Variants in DDX42 observed in about 807,000 individuals in gnomAD.
The protein encoded by DDX42 is DEAD-box helicase 42.
A neutral mutation model predicts 101.5 loss-of-function variants in DDX42; 22 were observed. That is an observed-to-expected ratio of 0.22 (90% CI 0.15 to 0.31). The LOEUF is 0.31. Ranked by LOEUF, DDX42 falls within the 10% of genes least tolerant of loss-of-function variation. The probability of loss-of-function intolerance (pLI) is 1.00; values close to 1 mark genes in which losing one functional copy is unlikely to be tolerated. For missense variants in DDX42, 849 were observed against 1,199.9 expected, an observed-to-expected ratio of 0.71 and a Z score of 4.32; for synonymous variants, 402 against 401.2, an observed-to-expected ratio of 1.00 and a Z score of -0.02.
intron 9 of DDX42, among the ~76,000 whole-genome samples, chr17:63,808,129 A>T (rs1387722144): frequency 6.6e-6 from 1 of 152,210 alleles, no homozygotes; most frequent in African/African-American, 2.4e-5. Flanking sequence ...TATTTTCTAT[A>T]TAACCAAATA....
intron 1 of DDX42, among the ~76,000 whole-genome samples, chr17:63,784,649 T>A (rs1432778387): frequency 6.6e-6 from 1 of 152,126 alleles, no homozygotes; most frequent in Non-Finnish European, 1.5e-5. Context: ...TGGCTCATGT[T>A]TGTAGTTCCA....
chr17:63,817,565 A>G, intron 17 of DDX42, 129 bp from the exon 18 acceptor site: 5 of 867,874 alleles, frequency 5.8e-6, no homozygotes, highest in Non-Finnish European at 8.8e-6. Context: ...CTGTGGGGCC[A>G]TCAGGACACT....
intron 1 of DDX42, among the ~76,000 whole-genome samples, chr17:63,778,062 C>G (rs1374266144): frequency 2.0e-5 from 3 of 152,130 alleles, no homozygotes; most frequent in South Asian, 4.1e-4. Context: ...AATGTGTGTT[C>G]TGGAAGAACC....
At chr17:63,773,808 C>T (rs1312063153), upstream of DDX42, 1 of 152,692 alleles carries the variant, frequency 6.5e-6, no homozygotes, top group Non-Finnish European at 1.5e-5. Flanking sequence ...TCACACGGAA[C>T]CGGTGCTCCG....
chr17:63,794,077 A>T (rs753777219), intron 3 of DDX42, among the ~76,000 whole-genome samples: 5 of 152,088 alleles, frequency 3.3e-5, no homozygotes, highest in Non-Finnish European at 5.9e-5. Context: ...TCTTTATAAT[A>T]GCCCTTGCAT....
chr17:63,805,331 CTTAATTT>C, intron 7 of DDX42, 156 bp downstream of exon 7: 1 of 891,640 alleles, frequency 1.1e-6, no homozygotes, highest in East Asian at 3.0e-5. Flanking sequence ...GTTCATGTCT[CTTAATTT>C]GATTGTTTTA....
rs1017214875 is a variant in DDX42 at position 63,817,040 on chromosome 17, C to T, written c.2112+74C>T. 9 of 1,279,048 alleles carry T rather than the reference C, an allele frequency of 7.0e-6. No individual in the cohort carries two copies. The African/African-American group carries it at 1.4e-4, about 19-fold the overall frequency. 79.2% of individuals were successfully genotyped at this position (1,279,048 alleles called of 1,614,324 possible). A position where few individuals can be genotyped will look rare whatever the true frequency, so the allele number is the denominator to read the frequency against. ...GCAGTGACAGAGGGGCTTAGTTTTC[C>T]TGGTTGTAGCTGGGCGCCTAGGCTT... On this transcript the variant is annotated intron_variant, in intron 17 of 17. Coordinates refer to ENST00000389924, the MANE Select transcript of DDX42 (RefSeq NM_203499.3).
intron 6 of DDX42, 26 bp downstream of exon 6, chr17:63,800,643 C>T: frequency 4.4e-6 from 7 of 1,609,110 alleles, no homozygotes; most frequent in Middle Eastern, 1.7e-4. Flanking sequence ...CTGAATTTTA[C>T]TCTTGTTTCA....
rs148727112 is a variant in DDX42, at chr17:63,786,701, G to A, written c.-16-333G>A. On this transcript the variant is annotated intron_variant, in intron 1 of 17. Coordinates refer to ENST00000389924, the MANE Select transcript of DDX42 (RefSeq NM_203499.3). ...TATACTTCTTTTTTGTTTTTGAGACGGAGTCTCGCTGTGTCGCCCAGGCTG... is the reference window on the plus strand; with the variant it reads ...TATACTTCTTTTTTGTTTTTGAGACAGAGTCTCGCTGTGTCGCCCAGGCTG... 7.2e-3 allele frequency among the ~76,000 whole-genome samples: 1,081 copies of A among 150,134 alleles called. 16 individuals are homozygous for A. Among genetic ancestry groups the A allele is most frequent in the African/African-American group, 0.025 (1,020 of 40,940 alleles).
intron 1 of DDX42, among the ~76,000 whole-genome samples, chr17:63,777,847 T>C (rs534317569): frequency 6.6e-6 from 1 of 152,182 alleles, no homozygotes; most frequent in Non-Finnish European, 1.5e-5. Context: ...ACTCACAGTT[T>C]ATAGGAAAGA....
chr17:63,812,274 A>G (rs1192984344), intron 14 of DDX42, 66 bp downstream of exon 14: 2 of 1,539,152 alleles, frequency 1.3e-6, no homozygotes, highest in Admixed American at 2.0e-5. Flanking sequence ...CTTACTACAT[A>G]AGACCTATAA....
Position 63,800,933 on chromosome 17 carries a change from CTTTT to C in DDX42, c.621+317_621+320del, listed in dbSNP as rs1234526403. On this transcript the variant is annotated intron_variant, in intron 6 of 17. Transcript: ENST00000389924. ...TTTTCTTTCCTTCCTTCCTTTCTTT[CTTTT>C]CTTTCCTTCCTTCCTTTCTTTCTTT... Among the ~76,000 whole-genome samples, 3 of 113,258 alleles carry C rather than the reference CTTTT, an allele frequency of 2.6e-5. No homozygotes were observed. In the East Asian group the frequency reaches 7.3e-4, roughly 28 times the overall value. 74.3% of individuals were successfully genotyped at this position (113,258 alleles called of 152,430 possible). A position where few individuals can be genotyped will look rare whatever the true frequency, so the allele number is the denominator to read the frequency against.
chr17:63,808,799 A>G lies in DDX42; in HGVS notation c.1024-21A>G. The G allele has an allele frequency of 3.7e-6, 6 of 1,612,946 alleles. No homozygotes were observed. The South Asian group carries it at 5.5e-5, about 15-fold the overall frequency. On this transcript the variant is annotated intron_variant, in intron 9 of 17. Transcript: ENST00000389924. ...TTTGTTAGTGTCACAGTTTGTTAAT[A>G]TATTATTCACAACTTTGTAGATCCA... is the stretch of plus-strand genomic sequence containing the variant.
At chr17:63,786,967 C>T (rs745355229) in intron 1 of DDX42, 67 bp from the exon 2 acceptor site, 50 of 1,541,414 alleles carry the variant, frequency 3.2e-5, no homozygotes, top group Admixed American at 2.5e-4. Flanking sequence ...TGACCCACCG[C>T]GCCCGGCCCT....
At chr17:63,814,748 G>C (rs1390171793) in intron 15 of DDX42, among the ~76,000 whole-genome samples, 1 of 142,168 alleles carries the variant, frequency 7.0e-6, no homozygotes, top group Non-Finnish European at 1.5e-5. Context: ...GGAGTGCAGT[G>C]GCGCAGTCTC....
At position 63,774,231 on chromosome 17, in the gene DDX42, CGGT is replaced by C. The variant is rs1241835074; in HGVS notation, c.-150_-148del. ...GTGGCGGTGGTGGCGGTGGCGGCGG[CGGT>C]GGTGGTGGTGGCGGCGGCGGCGGCG... On this transcript the variant is annotated 5_prime_UTR_variant, in exon 1 of 18. Coordinates refer to ENST00000389924, the MANE Select transcript of DDX42 (RefSeq NM_203499.3). 4.0e-4 allele frequency: 69 copies of C among 171,244 alleles called. 1 individual carries two copies. In the Admixed American group the frequency reaches 4.3e-3, roughly 11 times the overall value. The allele number at this position is 171,244 out of a possible 1,614,324, so 10.6% of individuals were successfully genotyped here.
intron 2 of DDX42, among the ~76,000 whole-genome samples, chr17:63,788,732 T>C (rs1392938358): frequency 6.6e-6 from 1 of 152,260 alleles, no homozygotes; most frequent in East Asian, 1.9e-4. Flanking sequence ...TTTAACTTGC[T>C]GATATAATAA....
chr17:63,800,605 T>C lies in DDX42; in HGVS notation c.609T>C (p.Ile203=), dbSNP rs1379491764. The C allele has an allele frequency of 6.2e-7, 1 of 1,613,960 alleles. No homozygotes were observed. The highest frequency in any genetic ancestry group is 8.5e-7 in the Non-Finnish European group (1 of 1,179,976). Residue 203 remains isoleucine, a synonymous_variant, in exon 6 of 18, where the codon ATT becomes ATC. Transcript: ENST00000389924. ...AAATCATTGATCCTCTTCCCCCCATTGATCATTCAGAGGTATGGTGTTTCT... is the reference window on the plus strand; with the variant it reads ...AAATCATTGATCCTCTTCCCCCCATCGATCATTCAGAGGTATGGTGTTTCT... ...TKKIIDPLPP[I]DHSEIDYPPF... is the part of the protein sequence containing the mutation.
At chr17:63,809,487 G>T in intron 10 of DDX42, 73 bp from the exon 11 acceptor site, 1 of 1,214,496 alleles carries the variant, frequency 8.2e-7, no homozygotes, top group Non-Finnish European at 1.2e-6. Flanking sequence ...ACTTTTGCCA[G>T]GAGTGCAACT....
Sources: gnomAD v4.1 joint callset for allele counts (sites outside exome capture counted in the v4.1 genomes callset) on GRCh38, gnomAD v4.1.1 for gene constraint, MANE v1.5 for transcripts, NCBI Gene and HGNC (gene_info 2026-07-23, HGNC 2026-07-21) for gene names.